Variants in KAZN observed in about 807,000 individuals in gnomAD.
The protein encoded by KAZN is kazrin.
KAZN carries 40 observed loss-of-function variants against 87.4 expected under a neutral mutation model. The ratio of observed to expected loss-of-function variants is 0.46; its 90% CI spans 0.36 to 0.60. KAZN has a LOEUF of 0.60. Ranked by LOEUF, KAZN falls within the 20% of genes least tolerant of loss-of-function variation. The probability of loss-of-function intolerance (pLI) is 0.00; values close to 1 mark genes in which losing one functional copy is unlikely to be tolerated. For missense variants in KAZN, 898 were observed against 1,073.9 expected (o/e 0.84, Z 2.29); for synonymous variants, 466 against 458.3 (o/e 1.02, Z -0.22).
chr1:14,964,448 C>A (rs565813556), intron 2 of KAZN, among the ~76,000 whole-genome samples: 2 of 152,228 alleles, frequency 1.3e-5, no homozygotes, highest in African/African-American at 4.8e-5. Flanking sequence ...CATCCAAGCT[C>A]AAGGTAGCGG....
chr1:14,244,017 A>T (rs181011526), intron 2 of KAZN, among the ~76,000 whole-genome samples: 51 of 152,360 alleles, frequency 3.3e-4, no homozygotes, highest in African/African-American at 1.2e-3. Context: ...CCAATTTTGC[A>T]CACTCAATCT....
At chr1:14,618,091 C>G (rs914583148) in intron 1 of KAZN, among the ~76,000 whole-genome samples, 4 of 152,200 alleles carry the variant, frequency 2.6e-5, no homozygotes, top group African/African-American at 7.2e-5. Flanking sequence ...ATTTCAAGCT[C>G]TCATTGCTAA....
At chr1:14,381,394 T>C (rs376376564) in intron 2 of KAZN, among the ~76,000 whole-genome samples, 4 of 151,984 alleles carry the variant, frequency 2.6e-5, no homozygotes, top group East Asian at 3.9e-4. Context: ...TGTAGGCCAA[T>C]ATCACTGATG....
At chr1:15,052,042 C>G (rs1367549201) in intron 4 of KAZN, among the ~76,000 whole-genome samples, 1 of 152,098 alleles carries the variant, frequency 6.6e-6, no homozygotes, top group Non-Finnish European at 1.5e-5. Flanking sequence ...AGTCAGAACC[C>G]AAGGGGAGTT....
chr1:14,952,746 G>C, intron 1 of KAZN, among the ~76,000 whole-genome samples: 1 of 152,100 alleles, frequency 6.6e-6, no homozygotes, highest in East Asian at 1.9e-4. Context: ...CCACCTTCCT[G>C]GGCTGGGGAA....
At chr1:14,805,205 G>A (rs750806681) in intron 1 of KAZN, among the ~76,000 whole-genome samples, 2 of 152,140 alleles carry the variant, frequency 1.3e-5, no homozygotes, top group Non-Finnish European at 2.9e-5. Context: ...CAGAGGAGGT[G>A]GTCCAGGGTA....
intron 2 of KAZN, among the ~76,000 whole-genome samples, chr1:15,015,485 C>T (rs925835320): frequency 2.6e-5 from 4 of 152,174 alleles, no homozygotes; most frequent in African/African-American, 9.7e-5. Flanking sequence ...GGTTTAAAAA[C>T]AAAGCTCACG....
intron 2 of KAZN, among the ~76,000 whole-genome samples, chr1:15,023,594 A>C (rs1012025194): frequency 2.0e-5 from 3 of 152,110 alleles, no homozygotes; most frequent in Non-Finnish European, 4.4e-5. Flanking sequence ...GTCCTTGTAG[A>C]CCATTGGAAG....
At chr1:14,100,265 A>G (rs1644220389) in intron 1 of KAZN, among the ~76,000 whole-genome samples, 1 of 152,104 alleles carries the variant, frequency 6.6e-6, no homozygotes, top group African/African-American at 2.4e-5. Context: ...CAGGAATCTG[A>G]GGCATACACG....
chr1:14,888,844 T>C (rs1654400350), intron 1 of KAZN, among the ~76,000 whole-genome samples: 3 of 152,168 alleles, frequency 2.0e-5, no homozygotes, highest in Admixed American at 6.5e-5. Context: ...CCCAGGCTGA[T>C]CAGAAGCCTA....
At chr1:14,008,863 A>C (rs1640154086) in intron 1 of KAZN, among the ~76,000 whole-genome samples, 1 of 152,194 alleles carries the variant, frequency 6.6e-6, no homozygotes, top group Non-Finnish European at 1.5e-5. Flanking sequence ...AGTGGTGTTA[A>C]ATACATTTAT....
At chr1:14,101,404 G>T (rs1406804786) in intron 1 of KAZN, among the ~76,000 whole-genome samples, 1 of 152,196 alleles carries the variant, frequency 6.6e-6, no homozygotes, top group Non-Finnish European at 1.5e-5. Context: ...AACAATTTGA[G>T]TTAGAATATC....
chr1:14,436,811 A>T (rs570352031), intron 2 of KAZN, among the ~76,000 whole-genome samples: 3 of 152,004 alleles, frequency 2.0e-5, no homozygotes, highest in Non-Finnish European at 2.9e-5. Context: ...AGGCCCTGAG[A>T]TGTTAAGTTA....
chr1:14,578,009 A>G (rs1675297740), intron 2 of KAZN, among the ~76,000 whole-genome samples: 1 of 152,086 alleles, frequency 6.6e-6, no homozygotes, highest in Non-Finnish European at 1.5e-5. Context: ...AAAGTGTTTA[A>G]CCTTCCCAAA....
At chr1:15,026,608 C>T (rs543596339) in intron 2 of KAZN, among the ~76,000 whole-genome samples, 125 of 152,214 alleles carry the variant, frequency 8.2e-4, no homozygotes, top group African/African-American at 2.5e-3. Context: ...AAGGTCAGCA[C>T]CCCACAGTCA....
chr1:14,391,672 C>G (rs536003744), intron 2 of KAZN: 2 of 152,310 alleles, frequency 1.3e-5, no homozygotes, highest in African/African-American at 4.8e-5. Context: ...CCAACTCCCC[C>G]TAAATAAAGT....
At position 15,101,193 on chromosome 1, in the gene KAZN, T is replaced by C. The variant is rs545806056; in HGVS notation, c.1548-350T>C. ...CTCTCTCTCTCTCTCTCTCTGCCTC[T>C]TCCTCTTTGTTCTTCTCTATCTCCC... is the stretch of plus-strand genomic sequence containing the variant. On this transcript the variant is annotated intron_variant, in intron 10 of 14. Transcript: ENST00000376030. 8.0e-5 allele frequency among the ~76,000 whole-genome samples: 12 copies of C among 150,710 alleles called. No individual in the cohort carries two copies. In the East Asian group the frequency reaches 2.4e-3, roughly 30 times the overall value.
In KAZN at chr1:14,079,443, G is replaced by T. The variant is rs1186553640; in HGVS notation, c.92-100992G>T. Among the ~76,000 whole-genome samples the T allele has an allele frequency of 4.6e-5, 7 of 152,278 alleles. No homozygotes were observed. The South Asian group carries it at 8.3e-4, about 18-fold the overall frequency. On this transcript the variant is annotated intron_variant, in intron 1 of 16. Transcript: ENST00000636203. ...TGAATCATCAGAATCGTCTATTTTG[G>T]AAAAAATCAGACTCATCAAATGAAT... is the stretch of plus-strand genomic sequence containing the variant.
At chr1:14,903,792 A>T (rs572656769) in intron 1 of KAZN, among the ~76,000 whole-genome samples, 1 of 152,356 alleles carries the variant, frequency 6.6e-6, no homozygotes, top group South Asian at 2.1e-4. Flanking sequence ...TAACCTTAGT[A>T]GGTTACATGT....
Sources: gnomAD v4.1 joint callset for allele counts (sites outside exome capture counted in the v4.1 genomes callset) on GRCh38, gnomAD v4.1.1 for gene constraint, MANE v1.5 for transcripts, NCBI Gene and HGNC (gene_info 2026-07-23, HGNC 2026-07-21) for gene names.